WDR70: variants seen among roughly 807,000 people sequenced by gnomAD.
The protein encoded by WDR70 is WD repeat domain 70, also known as WD repeat-containing protein 70.
A neutral mutation model predicts 88.6 loss-of-function variants in WDR70; 53 were observed. The observed-to-expected ratio is 0.60, with a 90% CI of 0.48 to 0.75. WDR70 has a LOEUF of 0.75. Among genes scored for constraint, WDR70 ranks in the 30% least tolerant of loss-of-function variants. WDR70 has a pLI of 0.00. For missense variants in WDR70, 610 were observed against 823.2 expected (o/e 0.74, Z 3.17); for synonymous variants, 280 against 270.0 (o/e 1.04, Z -0.36).
intron 5 of WDR70, among the ~76,000 whole-genome samples, chr5:37,423,663 A>G (rs1009548682): frequency 6.1e-5 from 9 of 147,768 alleles, no homozygotes; most frequent in African/African-American, 2.2e-4. Flanking sequence ...TCTTAGGTTC[A>G]AGCTATTTGC....
At position 37,626,727 on chromosome 5, in the gene WDR70, G is replaced by T. The variant is rs542988078; in HGVS notation, c.1092+21489G>T. Among the ~76,000 whole-genome samples the T allele has an allele frequency of 1.2e-4, 19 of 152,296 alleles. 1 individual carries two copies. In the South Asian group the frequency reaches 3.5e-3, roughly 28 times the overall value. Reference sequence around the variant, plus strand: ...TTCTTTAAAGGTTTGGTAGAATTCAGCAGTAAAGCCGTCTGGTTTTGGACT... The same window carrying T: ...TTCTTTAAAGGTTTGGTAGAATTCATCAGTAAAGCCGTCTGGTTTTGGACT... On this transcript the variant is annotated intron_variant, in intron 10 of 17. Coordinates refer to ENST00000265107, the MANE Select transcript of WDR70 (RefSeq NM_018034.4).
intron 11 of WDR70, 47 bp from the exon 12 acceptor site, chr5:37,701,011 G>T (rs1747144663): frequency 8.1e-7 from 1 of 1,241,016 alleles, no homozygotes; most frequent in Non-Finnish European, 1.2e-6. Flanking sequence ...AGTTCTTTTT[G>T]CACAATTCAC....
intron 5 of WDR70, among the ~76,000 whole-genome samples, chr5:37,409,185 C>T (rs553448371): frequency 7.9e-5 from 12 of 152,180 alleles, no homozygotes; most frequent in Admixed American, 7.9e-4. Flanking sequence ...GTGATCCACC[C>T]GCCTCGGCCT....
chr5:37,514,162 C>T (rs35624889), intron 8 of WDR70, among the ~76,000 whole-genome samples: 89,030 of 149,598 alleles, frequency 0.6, 27,870 homozygotes, highest in Non-Finnish European at 0.69. Context: ...CTATAGATGT[C>T]TATCCCATAC....
At chr5:37,716,314 G>A (rs901891496) in intron 13 of WDR70, among the ~76,000 whole-genome samples, 13 of 152,186 alleles carry the variant, frequency 8.5e-5, no homozygotes, top group Admixed American at 5.2e-4. Context: ...AAGATGTTAC[G>A]CAGGCATTGA....
intron 7 of WDR70, among the ~76,000 whole-genome samples, chr5:37,460,757 T>C (rs1738972350): frequency 6.6e-6 from 1 of 151,382 alleles, no homozygotes; most frequent in Admixed American, 6.6e-5. Flanking sequence ...TTGAGTTGCA[T>C]AGGAAGTTTT....
intron 10 of WDR70, among the ~76,000 whole-genome samples, chr5:37,690,186 A>G (rs1746744826): frequency 6.6e-6 from 1 of 152,200 alleles, no homozygotes; most frequent in Non-Finnish European, 1.5e-5. Flanking sequence ...GAAATGAACA[A>G]ATCCTCCAAG....
chr5:37,455,778 A>G (rs1369153528), intron 7 of WDR70, among the ~76,000 whole-genome samples: 1 of 149,810 alleles, frequency 6.7e-6, no homozygotes, highest in African/African-American at 2.5e-5. Context: ...TATTCTTTTT[A>G]TTTGTACAGT....
rs1004390931 is a variant in WDR70 at position 37,402,109 on chromosome 5, G to A, written c.492+5539G>A. Among the ~76,000 whole-genome samples, 8 of 151,674 alleles carry A rather than the reference G, an allele frequency of 5.3e-5. No individual in the cohort carries two copies. In the South Asian group the frequency reaches 1.0e-3, roughly 20 times the overall value. ...TTTTTCCTACCCTTTTCACCCTTTCGTTTCTGTTTCTACTATTCTCTCCAC... is the reference window on the plus strand; with the variant it reads ...TTTTTCCTACCCTTTTCACCCTTTCATTTCTGTTTCTACTATTCTCTCCAC... On this transcript the variant is annotated intron_variant, in intron 5 of 17. Transcript: ENST00000265107.
intron 9 of WDR70, among the ~76,000 whole-genome samples, chr5:37,581,155 C>T (rs1048113663): frequency 4.6e-5 from 7 of 152,070 alleles, no homozygotes; most frequent in Admixed American, 3.3e-4. Flanking sequence ...CACTTTTCCC[C>T]AGGGACCTTC....
chr5:37,629,900 AT>A (rs1744765686), intron 10 of WDR70, among the ~76,000 whole-genome samples: 1 of 151,578 alleles, frequency 6.6e-6, no homozygotes, highest in Admixed American at 6.6e-5. Flanking sequence ...GCCTCTTCCA[AT>A]TTTATTCACT....
chr5:37,718,515 G>T (rs1747718420), intron 13 of WDR70, among the ~76,000 whole-genome samples: 1 of 152,152 alleles, frequency 6.6e-6, no homozygotes, highest in Non-Finnish European at 1.5e-5. Context: ...ATTGTCCTGG[G>T]CCATTTATGG....
At chr5:37,743,022 C>A (rs1748529534) in intron 17 of WDR70, among the ~76,000 whole-genome samples, 1 of 152,204 alleles carries the variant, frequency 6.6e-6, no homozygotes, top group Admixed American at 6.5e-5. Context: ...GCCAAGATGG[C>A]CAATTCAAAG....
chr5:37,562,863 G>A (rs1243273026), intron 9 of WDR70, among the ~76,000 whole-genome samples: 1 of 151,788 alleles, frequency 6.6e-6, no homozygotes, highest in East Asian at 1.9e-4. Context: ...ACACAGACAT[G>A]GCAACCATTC....
At chr5:37,702,254 C>T (rs1303610021) in intron 12 of WDR70, among the ~76,000 whole-genome samples, 3 of 152,124 alleles carry the variant, frequency 2.0e-5, no homozygotes, top group Admixed American at 1.3e-4. Flanking sequence ...AGCTATTATA[C>T]CTGCTACAAG....
intron 17 of WDR70, among the ~76,000 whole-genome samples, chr5:37,746,064 TAACA>T (rs1326680048): frequency 6.6e-6 from 1 of 152,098 alleles, no homozygotes; most frequent in African/African-American, 2.4e-5. Flanking sequence ...ACTGAAATAA[TAACA>T]AACAGCCTCT....
intron 7 of WDR70, among the ~76,000 whole-genome samples, chr5:37,445,628 G>A (rs1738440801): frequency 6.6e-6 from 1 of 152,098 alleles, no homozygotes; most frequent in Non-Finnish European, 1.5e-5. Context: ...TGCAAAGCTG[G>A]CTCAACATAC....
intron 13 of WDR70, among the ~76,000 whole-genome samples, chr5:37,708,532 T>C (rs1275406576): frequency 6.6e-6 from 1 of 152,148 alleles, no homozygotes; most frequent in Admixed American, 6.6e-5. Context: ...TTAGCACTTT[T>C]CATTTCACAA....
chr5:37,681,782 T>A (rs1490755298), intron 10 of WDR70, among the ~76,000 whole-genome samples: 1 of 152,202 alleles, frequency 6.6e-6, no homozygotes, highest in Non-Finnish European at 1.5e-5. Flanking sequence ...TGAGGCCTGC[T>A]TGATTGTGGT....
Sources: gnomAD v4.1 joint callset for allele counts (sites outside exome capture counted in the v4.1 genomes callset) on GRCh38, gnomAD v4.1.1 for gene constraint, MANE v1.5 for transcripts, NCBI Gene and HGNC (gene_info 2026-07-23, HGNC 2026-07-21) for gene names.